STPG2: variants seen among roughly 807,000 people sequenced by gnomAD.
The protein encoded by STPG2 is sperm tail PG-rich repeat containing 2.
Under a neutral mutation model 54.2 loss-of-function variants are expected in STPG2, and 56 were observed. That is an observed-to-expected ratio of 1.03 (90% CI 0.83 to 1.29). The LOEUF is 1.29. STPG2 is among the 50% of genes most tolerant of loss of function. STPG2 has a pLI of 0.00. For synonymous variants in STPG2, 200 were observed against 181.8 expected (o/e 1.10, Z -0.81); for missense variants, 596 against 544.9 (o/e 1.09, Z -0.93).
chr4:97,952,582 G>C (rs377494082), intron 7 of STPG2, among the ~76,000 whole-genome samples: 2 of 152,244 alleles, frequency 1.3e-5, no homozygotes, highest in East Asian at 3.9e-4. Flanking sequence ...CACACTCCAG[G>C]TTGGTGCTGG....
intron 8 of STPG2, among the ~76,000 whole-genome samples, chr4:97,928,494 C>T (rs1414796237): frequency 1.3e-5 from 2 of 152,102 alleles, no homozygotes; most frequent in African/African-American, 4.8e-5. Flanking sequence ...AATACCTTCA[C>T]TTCATAAACA....
At chr4:97,771,796 T>C (rs1025874061) in intron 9 of STPG2, among the ~76,000 whole-genome samples, 13 of 152,188 alleles carry the variant, frequency 8.5e-5, no homozygotes, top group African/African-American at 2.7e-4. Context: ...AAAGTGCCTA[T>C]GTCAGGAGTA....
intron 10 of STPG2, among the ~76,000 whole-genome samples, chr4:97,595,723 G>T (rs1036477757): frequency 6.6e-6 from 1 of 152,024 alleles, no homozygotes; most frequent in African/African-American, 2.4e-5. Flanking sequence ...AATGCTAAGG[G>T]AATTTGTTAC....
chr4:97,452,949 C>G (rs1729415267), intron 4 of STPG2, among the ~76,000 whole-genome samples: 5 of 152,226 alleles, frequency 3.3e-5, no homozygotes, highest in Admixed American at 3.3e-4. Flanking sequence ...TTCCACTTGT[C>G]TGTGTACCTC....
chr4:97,627,862 G>C (rs1734174596), intron 10 of STPG2, among the ~76,000 whole-genome samples: 1 of 152,096 alleles, frequency 6.6e-6, no homozygotes, highest in Admixed American at 6.6e-5. Flanking sequence ...CTGAGAAACG[G>C]GGCTGATGGA....
chr4:97,823,664 C>T (rs1172421753), intron 9 of STPG2, among the ~76,000 whole-genome samples: 1 of 152,094 alleles, frequency 6.6e-6, no homozygotes, highest in Admixed American at 6.5e-5. Context: ...GGACCCCTTT[C>T]TGGTAATATC....
chr4:97,541,951 A>G (rs1440373609), intron 4 of STPG2, among the ~76,000 whole-genome samples: 1 of 152,164 alleles, frequency 6.6e-6, no homozygotes, highest in Admixed American at 6.6e-5. Flanking sequence ...CCTTCCTTAC[A>G]CCTTATACAA....
chr4:97,890,457 T>G (rs1044791875), intron 8 of STPG2, among the ~76,000 whole-genome samples: 8 of 151,896 alleles, frequency 5.3e-5, no homozygotes, highest in African/African-American at 1.7e-4. Flanking sequence ...GTTGCATAAA[T>G]TTTAAAAAAT....
intron 8 of STPG2, among the ~76,000 whole-genome samples, chr4:97,926,554 A>G (rs1057077544): frequency 2.6e-5 from 4 of 152,104 alleles, no homozygotes; most frequent in Non-Finnish European, 5.9e-5. Context: ...CCCCACAACT[A>G]TTGTCTCTGA....
chr4:97,530,959 AT>A (rs1460079022), intron 4 of STPG2, among the ~76,000 whole-genome samples: 1 of 152,200 alleles, frequency 6.6e-6, no homozygotes, highest in African/African-American at 2.4e-5. Flanking sequence ...CACCCATTCC[AT>A]TGACTGGATT....
chr4:97,700,085 C>G (rs1163273842), intron 10 of STPG2, among the ~76,000 whole-genome samples: 1 of 152,166 alleles, frequency 6.6e-6, no homozygotes, highest in East Asian at 1.9e-4. Context: ...CAAGAGCTGT[C>G]CCTCAAAAGG....
intron 9 of STPG2, among the ~76,000 whole-genome samples, chr4:97,715,373 A>G (rs1461520192): frequency 6.6e-6 from 1 of 152,174 alleles, no homozygotes; most frequent in Non-Finnish European, 1.5e-5. Context: ...CTAGTGTATA[A>G]TGGGAAATTC....
chr4:97,729,845 T>G lies in STPG2; in HGVS notation c.1205-17031A>C, dbSNP rs59680956. 7.2e-3 allele frequency among the ~76,000 whole-genome samples: 1,094 copies of G among 151,602 alleles called. 14 individuals are homozygous for G. The highest frequency in any genetic ancestry group is 0.025 in the African/African-American group (1,023 of 41,498). On this transcript the variant is annotated intron_variant, in intron 9 of 10. Coordinates refer to ENST00000295268, the MANE Select transcript of STPG2 (RefSeq NM_174952.3). ...TTAAAGTGCCTTTTTTTCCTGCTAT[T>G]GTAAATGGGATTTTTTTGCTTGATT...
intron 8 of STPG2, among the ~76,000 whole-genome samples, chr4:97,866,920 T>C (rs547468523): frequency 6.6e-6 from 1 of 151,414 alleles, no homozygotes; most frequent in Admixed American, 6.6e-5. Flanking sequence ...TAAAAAAAAC[T>C]TGGGCATTTG....
At chr4:97,708,224 A>G (rs755168354) in intron 10 of STPG2, among the ~76,000 whole-genome samples, 1 of 152,142 alleles carries the variant, frequency 6.6e-6, no homozygotes, top group Admixed American at 6.5e-5. Flanking sequence ...ACCACTTTTC[A>G]TAATCAAATG....
chr4:97,812,424 G>C (rs560107924), intron 9 of STPG2, among the ~76,000 whole-genome samples: 3 of 152,100 alleles, frequency 2.0e-5, no homozygotes, highest in Non-Finnish European at 4.4e-5. Flanking sequence ...TTTATAACCT[G>C]TTCCACATTT....
chr4:98,141,744 T>G (rs1740287006), intron 1 of STPG2, among the ~76,000 whole-genome samples: 1 of 152,136 alleles, frequency 6.6e-6, no homozygotes, highest in Non-Finnish European at 1.5e-5. Flanking sequence ...TGGTCACTCA[T>G]ATTTGGCTCG....
intron 9 of STPG2, among the ~76,000 whole-genome samples, chr4:97,835,408 A>G (rs1036293049): frequency 6.6e-6 from 1 of 152,154 alleles, no homozygotes; most frequent in African/African-American, 2.4e-5. Flanking sequence ...GACAACCAAC[A>G]GCCCCTAGGG....
At chr4:97,742,297 T>C (rs946927819) in intron 9 of STPG2, among the ~76,000 whole-genome samples, 2 of 151,644 alleles carry the variant, frequency 1.3e-5, no homozygotes, top group East Asian at 3.9e-4. Context: ...CACACCAGCA[T>C]GGCACATGTA....
Sources: gnomAD v4.1 joint callset for allele counts (sites outside exome capture counted in the v4.1 genomes callset) on GRCh38, gnomAD v4.1.1 for gene constraint, MANE v1.5 for transcripts, NCBI Gene and HGNC (gene_info 2026-07-23, HGNC 2026-07-21) for gene names.